Variants in NKAIN2 observed in about 807,000 individuals in gnomAD.
The protein encoded by NKAIN2 is sodium/potassium transporting ATPase interacting 2.
A neutral mutation model predicts 32.6 loss-of-function variants in NKAIN2; 14 were observed. That is an observed-to-expected ratio of 0.43 (90% CI 0.28 to 0.67). NKAIN2 has a LOEUF of 0.67. Among genes scored for constraint, NKAIN2 ranks in the 30% least tolerant of loss-of-function variants. NKAIN2 has a pLI of 0.17. For synonymous variants in NKAIN2, 80 were observed against 87.2 expected, an observed-to-expected ratio of 0.92 and a Z score of 0.46; for missense variants, 198 against 258.3, an observed-to-expected ratio of 0.77 and a Z score of 1.60.
At chr6:123,942,973 T>C (rs1211760381) in intron 1 of NKAIN2, among the ~76,000 whole-genome samples, 1 of 152,072 alleles carries the variant, frequency 6.6e-6, no homozygotes, top group African/African-American at 2.4e-5. Flanking sequence ...AAGCTATATT[T>C]TCTCTCTTAA....
chr6:123,817,281 G>A (rs1389659216), intron 1 of NKAIN2, among the ~76,000 whole-genome samples: 1 of 152,174 alleles, frequency 6.6e-6, no homozygotes, highest in Non-Finnish European at 1.5e-5. Context: ...GAGCTGCATT[G>A]TGTATTATAG....
At chr6:123,860,302 T>C (rs1335472558) in intron 1 of NKAIN2, among the ~76,000 whole-genome samples, 1 of 152,202 alleles carries the variant, frequency 6.6e-6, no homozygotes, top group Admixed American at 6.5e-5. Flanking sequence ...ATGCTGGGAA[T>C]TATTTAAAAA....
intron 3 of NKAIN2, among the ~76,000 whole-genome samples, chr6:124,391,886 A>G (rs1417114070): frequency 1.3e-5 from 2 of 151,968 alleles, no homozygotes; most frequent in Admixed American, 6.6e-5. Context: ...CATGGATTCT[A>G]TTGGTTACTA....
intron 4 of NKAIN2, among the ~76,000 whole-genome samples, chr6:124,728,969 A>C (rs1389479229): frequency 6.7e-6 from 1 of 149,736 alleles, no homozygotes; most frequent in Non-Finnish European, 1.5e-5. Flanking sequence ...AGAAATGGAT[A>C]AATTCCTCAA....
chr6:124,708,789 G>C (rs1213250009), intron 4 of NKAIN2, among the ~76,000 whole-genome samples: 2 of 150,848 alleles, frequency 1.3e-5, no homozygotes, highest in African/African-American at 2.5e-5. Context: ...TGCAAACAGG[G>C]ACAATTTGAC....
rs896781929 is a variant in NKAIN2 at position 124,721,418 on chromosome 6, A to G, written c.474+63032A>G. ...GACTCCGTCTCAAAAAAAAAAAAAA[A>G]AAAGAAAGAAATATGAAACGTTACA... On this transcript the variant is annotated intron_variant, in intron 4 of 6. Transcript: ENST00000368417. 2.2e-4 allele frequency among the ~76,000 whole-genome samples: 34 copies of G among 152,040 alleles called. No homozygotes were observed. In the South Asian group the frequency reaches 2.3e-3, roughly 10 times the overall value.
chr6:124,274,504 C>T (rs1794937672), intron 1 of NKAIN2, among the ~76,000 whole-genome samples: 1 of 151,966 alleles, frequency 6.6e-6, no homozygotes, highest in Non-Finnish European at 1.5e-5. Flanking sequence ...ATAAGGTTCC[C>T]CTGTGTTCAG....
At chr6:124,412,245 A>T (rs1205202881) in intron 3 of NKAIN2, among the ~76,000 whole-genome samples, 1 of 151,854 alleles carries the variant, frequency 6.6e-6, no homozygotes, top group Non-Finnish European at 1.5e-5. Flanking sequence ...GGAGGAGGAG[A>T]TGTGCTGTGA....
intron 1 of NKAIN2, among the ~76,000 whole-genome samples, chr6:124,006,661 A>G (rs1188482412): frequency 6.6e-6 from 1 of 152,040 alleles, no homozygotes; most frequent in Non-Finnish European, 1.5e-5. Flanking sequence ...GCTCTTGTCT[A>G]CTAATTGTTC....
intron 1 of NKAIN2, among the ~76,000 whole-genome samples, chr6:124,222,420 A>G (rs1410259081): frequency 6.6e-6 from 1 of 152,202 alleles, no homozygotes; most frequent in African/African-American, 2.4e-5. Context: ...AATGCTAAAG[A>G]AAAGTAAAAC....
chr6:124,000,079 C>T (rs73557089), intron 1 of NKAIN2, among the ~76,000 whole-genome samples: 1 of 152,072 alleles, frequency 6.6e-6, no homozygotes, highest in South Asian at 2.1e-4. Context: ...ACCTGGTTAT[C>T]AAACAAAACA....
chr6:124,005,251 CA>C (rs1780031872), intron 1 of NKAIN2, among the ~76,000 whole-genome samples: 1 of 151,924 alleles, frequency 6.6e-6, no homozygotes, highest in Non-Finnish European at 1.5e-5. Context: ...CGAAACAAAA[CA>C]GAAAGGAAAA....
In NKAIN2 at chr6:124,487,070, T is replaced by C. The variant is rs567229079; in HGVS notation, c.273+131723T>C. Among the ~76,000 whole-genome samples, 107 of 152,208 alleles carry C rather than the reference T, an allele frequency of 7.0e-4. 1 individual carries two copies. The South Asian group carries it at 0.022, about 31-fold the overall frequency. On this transcript the variant is annotated intron_variant, in intron 3 of 6. Coordinates refer to ENST00000368417, the MANE Select transcript of NKAIN2 (RefSeq NM_001040214.3). The stretch of plus-strand genomic sequence containing the variant: ...AACCTGGGAAGTTAAGGATGTTAAA[T>C]TATTTGATAAATTAAGTCATTAGTA...
chr6:124,027,139 CTTT>C (rs60788673), intron 1 of NKAIN2, among the ~76,000 whole-genome samples: 1 of 137,076 alleles, frequency 7.3e-6, no homozygotes, highest in Non-Finnish European at 1.6e-5. Context: ...AATTATCACT[CTTT>C]TTTTTTTTTT....
chr6:124,568,626 A>G (rs1284170609), intron 3 of NKAIN2, among the ~76,000 whole-genome samples: 11 of 152,124 alleles, frequency 7.2e-5, no homozygotes, highest in Non-Finnish European at 1.2e-4. Context: ...CATTGTTAAT[A>G]CAAGTCAAGT....
intron 1 of NKAIN2, among the ~76,000 whole-genome samples, chr6:124,199,976 C>A (rs1267137319): frequency 6.6e-6 from 1 of 152,000 alleles, no homozygotes. Flanking sequence ...ATTCTAAAAT[C>A]CTCTTTTAAG....
intron 4 of NKAIN2, among the ~76,000 whole-genome samples, chr6:124,745,004 C>T (rs569821062): frequency 7.9e-5 from 12 of 151,912 alleles, no homozygotes; most frequent in South Asian, 6.2e-4. Context: ...GCCCATAAAA[C>T]GCCAGCCACT....
intron 1 of NKAIN2, among the ~76,000 whole-genome samples, chr6:123,907,775 G>T (rs1582756026): frequency 6.6e-6 from 1 of 152,116 alleles, no homozygotes; most frequent in East Asian, 1.9e-4. Flanking sequence ...GAGAGTTTGG[G>T]CAAGACTTTC....
intron 1 of NKAIN2, among the ~76,000 whole-genome samples, chr6:124,107,516 C>T (rs1411056413): frequency 6.6e-6 from 1 of 152,070 alleles, no homozygotes; most frequent in Admixed American, 6.5e-5. Flanking sequence ...GTACCAGGCA[C>T]TGTTTTTTAT....
Sources: allele counts gnomAD v4.1 joint callset (sites outside exome capture counted in the v4.1 genomes callset), GRCh38; gene constraint gnomAD v4.1.1; transcripts MANE v1.5; gene names NCBI Gene and HGNC (gene_info 2026-07-23, HGNC 2026-07-21).